TMTC1: variants seen among roughly 807,000 people sequenced by gnomAD.
TMTC1 encodes the protein transmembrane O-mannosyltransferase targeting cadherins 1, also known as protein O-mannosyl-transferase TMTC1.
Under a neutral mutation model 104.8 loss-of-function variants are expected in TMTC1, and 73 were observed. The observed-to-expected ratio is 0.70, with a 90% CI of 0.58 to 0.85. The LOEUF (loss-of-function observed/expected upper bound fraction) is 0.85. Ranked by LOEUF, TMTC1 falls within the 40% of genes least tolerant of loss-of-function variation. The pLI, the probability that TMTC1 is intolerant of heterozygous loss-of-function variation, is 0.00. For synonymous variants in TMTC1, 434 were observed against 428.7 expected (o/e 1.01, Z -0.15); for missense variants, 1,035 against 1,096.1 (o/e 0.94, Z 0.79).
chr12:29,624,349 A>G (rs1937857496), intron 6 of TMTC1, among the ~76,000 whole-genome samples: 2 of 152,198 alleles, frequency 1.3e-5, no homozygotes, highest in African/African-American at 2.4e-5. Flanking sequence ...AAAACTAAAC[A>G]AAACAGAGCC....
intron 5 of TMTC1, 62 bp from the exon 6 acceptor site, chr12:29,633,398 C>T: frequency 7.3e-7 from 1 of 1,370,168 alleles, no homozygotes; most frequent in Non-Finnish European, 1.0e-6. Context: ...TGTAAGCGTT[C>T]AGTCACCATA....
chr12:29,705,093 A>G (rs1941703774), intron 5 of TMTC1, among the ~76,000 whole-genome samples: 1 of 152,188 alleles, frequency 6.6e-6, no homozygotes, highest in Non-Finnish European at 1.5e-5. Flanking sequence ...GCAGCCTCAG[A>G]AGGCATGAGC....
intron 5 of TMTC1, among the ~76,000 whole-genome samples, chr12:29,719,629 A>G (rs1467246886): frequency 6.6e-6 from 1 of 151,704 alleles, no homozygotes; most frequent in African/African-American, 2.4e-5. Context: ...TCTCTCATTG[A>G]CTCTCCCTCT....
intron 9 of TMTC1, among the ~76,000 whole-genome samples, chr12:29,559,115 A>G (rs1945316813): frequency 6.6e-6 from 1 of 152,220 alleles, no homozygotes; most frequent in South Asian, 2.1e-4. Context: ...AGTAACAGAA[A>G]GCTTATCTGG....
intron 5 of TMTC1, among the ~76,000 whole-genome samples, chr12:29,720,832 TA>T (rs1166905262): frequency 1.3e-5 from 2 of 151,978 alleles, no homozygotes; most frequent in African/African-American, 2.4e-5. Context: ...GCAGGATAAA[TA>T]AAAATATATC....
At chr12:29,542,601 TG>T (rs1215174107) in intron 10 of TMTC1, among the ~76,000 whole-genome samples, 1 of 152,110 alleles carries the variant, frequency 6.6e-6, no homozygotes, top group African/African-American at 2.4e-5. Context: ...CAGCAGGTCT[TG>T]GTGGGGCCCA....
intron 7 of TMTC1, among the ~76,000 whole-genome samples, chr12:29,588,425 C>T (rs1011372199): frequency 1.3e-5 from 2 of 152,256 alleles, no homozygotes; most frequent in Admixed American, 6.5e-5. Context: ...CCTGCTTTGC[C>T]CCCTGTTCCT....
chr12:29,643,740 AAATAT>A, intron 5 of TMTC1, among the ~76,000 whole-genome samples: 1 of 54,678 alleles, frequency 1.8e-5, no homozygotes. Flanking sequence ...ATATTATAAT[AAATAT>A]ATATAAATAT....
chr12:29,527,850 C>T (rs1944392866), intron 11 of TMTC1, among the ~76,000 whole-genome samples: 1 of 152,040 alleles, frequency 6.6e-6, no homozygotes, highest in African/African-American at 2.4e-5. Context: ...GCTGATTTTC[C>T]ACTAGAAATG....
chr12:29,663,692 C>CTTTTTTTTTTTTTTTTTTTTTTTTTT (rs1940140640), intron 5 of TMTC1, among the ~76,000 whole-genome samples: 1 of 132,402 alleles, frequency 7.6e-6, no homozygotes, highest in Admixed American at 7.6e-5. Context: ...AATATTTGTA[C>CTTTTTTTTTTTTTTTTTTTTTTTTTT]TTTTAGTAGA....
At chr12:29,650,814 G>A (rs1335764987) in intron 5 of TMTC1, among the ~76,000 whole-genome samples, 1 of 152,186 alleles carries the variant, frequency 6.6e-6, no homozygotes, top group Non-Finnish European at 1.5e-5. Flanking sequence ...GAGGCGTTCA[G>A]TTCTGGTGGT....
rs542967278 is a variant in TMTC1, at chr12:29,569,327, T to C, written c.1532+2778A>G. 2.4e-3 allele frequency among the ~76,000 whole-genome samples: 369 copies of C among 152,348 alleles called. 1 individual carries two copies. Among genetic ancestry groups the C allele is most frequent in the Non-Finnish European group, 4.1e-3 (277 of 68,028 alleles). On this transcript the variant is annotated intron_variant, in intron 9 of 17. Coordinates refer to ENST00000539277, the MANE Select transcript of TMTC1 (RefSeq NM_001193451.2). ...CCAGCCAAAAAGAGACTGGTATAGGTACAGCCCTTATGATTAATTTCACCA... is the reference window on the plus strand; with the variant it reads ...CCAGCCAAAAAGAGACTGGTATAGGCACAGCCCTTATGATTAATTTCACCA...
chr12:29,559,537 GA>G (rs1237158041), intron 9 of TMTC1, among the ~76,000 whole-genome samples: 2 of 152,200 alleles, frequency 1.3e-5, no homozygotes, highest in African/African-American at 2.4e-5. Context: ...AAGAGAAACA[GA>G]AGCGCTATAA....
At chr12:29,755,596 GA>G in intron 4 of TMTC1, 112 bp downstream of exon 4, 1 of 876,754 alleles carries the variant, frequency 1.1e-6, no homozygotes, top group South Asian at 1.9e-5. Context: ...AGTCTAAGGT[GA>G]GATGACATTT....
intron 5 of TMTC1, among the ~76,000 whole-genome samples, chr12:29,694,977 C>A (rs1312062938): frequency 1.3e-5 from 2 of 151,506 alleles, no homozygotes; most frequent in Non-Finnish European, 2.9e-5. Context: ...AAACCTGCAA[C>A]AATCTATTTT....
chr12:29,680,225 AT>A (rs1161550627), intron 5 of TMTC1, among the ~76,000 whole-genome samples: 2 of 148,774 alleles, frequency 1.3e-5, no homozygotes, highest in African/African-American at 4.8e-5. Context: ...CTCGTTATCT[AT>A]TTTCATATTT....
chr12:29,570,891 C>CCCCCA (rs1555170713), intron 9 of TMTC1, among the ~76,000 whole-genome samples: 1 of 147,814 alleles, frequency 6.8e-6, no homozygotes, highest in African/African-American at 2.6e-5. Context: ...ACCCCCCCCC[C>CCCCCA]CCGCCAAAAC....
chr12:29,653,781 C>A (rs1409397904), intron 5 of TMTC1, among the ~76,000 whole-genome samples: 1 of 152,176 alleles, frequency 6.6e-6, no homozygotes, highest in Non-Finnish European at 1.5e-5. Context: ...CCAATTCCAT[C>A]ATTGGAATAA....
At chr12:29,778,206 A>G (rs965628356) in intron 1 of TMTC1, among the ~76,000 whole-genome samples, 2 of 152,236 alleles carry the variant, frequency 1.3e-5, no homozygotes, top group African/African-American at 4.8e-5. Context: ...TAATAGGCTA[A>G]ACACACAGAG....
Sources: gnomAD v4.1 joint callset for allele counts (sites outside exome capture counted in the v4.1 genomes callset) on GRCh38, gnomAD v4.1.1 for gene constraint, MANE v1.5 for transcripts, NCBI Gene and HGNC (gene_info 2026-07-23, HGNC 2026-07-21) for gene names.